The following SLC14A1 variants were observed in gnomAD, a reference collection of about 807,000 sequenced individuals.
SLC14A1 encodes urea transporter 1.
SLC14A1 carries 36 observed loss-of-function variants against 39.6 expected under a neutral mutation model. The ratio of observed to expected loss-of-function variants is 0.91; its 90% CI spans 0.70 to 1.20. The LOEUF is 1.20. Ranked by LOEUF, SLC14A1 falls within the 50% of genes most tolerant of loss-of-function variation. The pLI is 0.00. For missense variants in SLC14A1, 469 were observed against 478.7 expected, an observed-to-expected ratio of 0.98 and a Z score of 0.19; for synonymous variants, 164 against 173.6, an observed-to-expected ratio of 0.94 and a Z score of 0.43.
At position 45,727,391 on chromosome 18, in the gene SLC14A1, G is replaced by T. The variant is rs948637471; in HGVS notation, c.-22+2378G>T. The T allele has an allele frequency of 7.7e-6, 12 of 1,549,788 alleles. 1 individual carries two copies. In the Admixed American group the frequency reaches 9.8e-5, roughly 13 times the overall value. On this transcript the variant is annotated intron_variant, in intron 2 of 9. Transcript: ENST00000321925. ...GCAGAGGCATCGCCCGGCTAAGCTTGGCCCTGGCAGATGGGTCGCAGGAAC... is the reference window on the plus strand; with the variant it reads ...GCAGAGGCATCGCCCGGCTAAGCTTTGCCCTGGCAGATGGGTCGCAGGAAC...
chr18:45,726,364 T>A (rs979721887), intron 2 of SLC14A1, among the ~76,000 whole-genome samples: 1 of 152,252 alleles, frequency 6.6e-6, no homozygotes, highest in African/African-American at 2.4e-5. Context: ...CACACACAAC[T>A]GGAACTTCTG....
intron 4 of SLC14A1, among the ~76,000 whole-genome samples, chr18:45,732,286 CT>C (rs1424304863): frequency 6.6e-6 from 1 of 152,206 alleles, no homozygotes; most frequent in African/African-American, 2.4e-5. Flanking sequence ...AAATATATGT[CT>C]TCCTGTGGCT....
At chr18:45,728,118 T>C (rs4890587) in intron 2 of SLC14A1, among the ~76,000 whole-genome samples, 20,956 of 152,156 alleles carry the variant, frequency 0.14, 1,965 homozygotes, top group East Asian at 0.41. Context: ...GTCTTCTATA[T>C]GTTGGGCTGT....
chr18:45,733,018 A>G (rs2047079245), intron 4 of SLC14A1, among the ~76,000 whole-genome samples: 2 of 152,216 alleles, frequency 1.3e-5, no homozygotes, highest in Non-Finnish European at 2.9e-5. Context: ...ATCAAATACC[A>G]CACGTTTTCA....
intron 6 of SLC14A1, among the ~76,000 whole-genome samples, chr18:45,738,820 C>T (rs1473387200): frequency 1.3e-5 from 2 of 152,056 alleles, no homozygotes; most frequent in Non-Finnish European, 2.9e-5. Context: ...CAGTAGGAGG[C>T]AAGGCAGATC....
intron 8 of SLC14A1, chr18:45,747,207 C>T (rs1472382915): frequency 6.6e-6 from 1 of 152,148 alleles, no homozygotes; most frequent in African/African-American, 2.4e-5. Context: ...ATATGAAGGT[C>T]ATTCTTCAGG....
Position 45,751,342 on chromosome 18 carries a change from C to A in SLC14A1, c.*1391C>A, listed in dbSNP as rs1347303952. Reference sequence around the variant, plus strand: ...GCGACAAGAGTGAAACTGTGTCTCTCAAAAAAAAAAAAAAACAAACAAAAA... The same window carrying A: ...GCGACAAGAGTGAAACTGTGTCTCTAAAAAAAAAAAAAAAACAAACAAAAA... On this transcript the variant is annotated 3_prime_UTR_variant, in exon 10 of 10. Coordinates refer to ENST00000321925, the MANE Select transcript of SLC14A1 (RefSeq NM_015865.7). 1.3e-4 allele frequency: 84 copies of A among 637,542 alleles called. No individual in the cohort carries two copies. In the African/African-American group the frequency reaches 1.7e-3, roughly 13 times the overall value. 39.5% of individuals were successfully genotyped at this position (637,542 alleles called of 1,614,324 possible). A position where few individuals can be genotyped will look rare whatever the true frequency, so the allele number is the denominator to read the frequency against.
Position 45,750,023 on chromosome 18 carries a change from C to T in SLC14A1, c.*72C>T, listed in dbSNP as rs2047668041. On this transcript the variant is annotated 3_prime_UTR_variant, in exon 10 of 10. Transcript: ENST00000321925. ...CTGCTCCAGCTAACTTCCAGGGTCT[C>T]AGCAAACTGCTGTTTTTCACGAGTA... 1 of 1,612,622 alleles carries T rather than the reference C, an allele frequency of 6.2e-7. No individual in the cohort carries two copies. Among genetic ancestry groups the T allele is most frequent in the Admixed American group, 1.7e-5 (1 of 59,982 alleles).
Position 45,734,402 on chromosome 18 carries a change from G to T in SLC14A1, c.470G>T (p.Cys157Phe). The T allele has an allele frequency of 1.2e-6, 2 of 1,611,408 alleles. No homozygotes were observed. Among genetic ancestry groups the T allele is most frequent in the Non-Finnish European group, 1.7e-6 (2 of 1,179,362 alleles). The change falls in exon 5 of 10, where the codon TGC becomes TTC. Residue 157 changes from cysteine (C) to phenylalanine (F), a missense_variant and splice_region_variant. By Grantham distance (205) the Cys-to-Phe change is radical. Coordinates refer to ENST00000321925, the MANE Select transcript of SLC14A1 (RefSeq NM_015865.7). ...CCTGTATGTGCTATGTCCATGACTT[G>T]GTAAGTTACAATTGGTTTTCAAAAT... ...LLPVCAMSMTCPIFSSALNSM... is the reference protein window; with the variant it reads ...LLPVCAMSMTFPIFSSALNSM...
In SLC14A1 at chr18:45,750,536, A is replaced by G. The variant is rs1009163706; in HGVS notation, c.*585A>G. On this transcript the variant is annotated 3_prime_UTR_variant, in exon 10 of 10. Transcript: ENST00000321925. ...GCACCCTATCCCTTGTGTGTGTGAC[A>G]TTCTCTCATGGGACAATGTTGGGGT... 2 of 991,312 alleles carry G rather than the reference A, an allele frequency of 2.0e-6. No homozygotes were observed. The highest frequency in any genetic ancestry group is 1.1e-4 in the Admixed American group (2 of 17,756). The allele number at this position is 991,312 out of a possible 1,614,324, so 61.4% of individuals were successfully genotyped here.
intron 8 of SLC14A1, chr18:45,747,305 G>C (rs192773683): frequency 1.3e-5 from 2 of 152,328 alleles, no homozygotes; most frequent in African/African-American, 4.8e-5. Context: ...AGCTGGTTGA[G>C]ATCTTTGCTT....
At chr18:45,749,521 G>A (rs561585391) in intron 9 of SLC14A1, among the ~76,000 whole-genome samples, 2 of 152,232 alleles carry the variant, frequency 1.3e-5, no homozygotes, top group Non-Finnish European at 2.9e-5. Context: ...GGTGCAGGAA[G>A]TCTGAATATA....
At chr18:45,741,285 T>C (rs1285044358) in intron 8 of SLC14A1, among the ~76,000 whole-genome samples, 1 of 152,196 alleles carries the variant, frequency 6.6e-6, no homozygotes, top group South Asian at 2.1e-4. Context: ...TCAATCAAAG[T>C]ATAAGCATTT....
At chr18:45,748,493 C>T in intron 9 of SLC14A1, 68 bp downstream of exon 9, 1 of 1,519,740 alleles carries the variant, frequency 6.6e-7, no homozygotes, top group South Asian at 1.1e-5. Context: ...GGGAAATGCT[C>T]CTGAAGTCCA....
At chr18:45,743,398 G>A (rs1348357636) in intron 8 of SLC14A1, among the ~76,000 whole-genome samples, 1 of 150,134 alleles carries the variant, frequency 6.7e-6, no homozygotes, top group African/African-American at 2.5e-5. Flanking sequence ...ACCTTCCTTT[G>A]GATAGATTTT....
chr18:45,730,235 C>T (rs2046987909), intron 2 of SLC14A1, 65 bp from the exon 3 acceptor site: 4 of 1,528,236 alleles, frequency 2.6e-6, no homozygotes, highest in East Asian at 2.3e-5. Flanking sequence ...GTAACCAGGC[C>T]CAAAGCTGGC....
chr18:45,731,354 C>G, intron 4 of SLC14A1, 150 bp downstream of exon 4: 1 of 766,484 alleles, frequency 1.3e-6, no homozygotes, highest in Non-Finnish European at 2.2e-6. Context: ...AGTCAGAGGT[C>G]AGGGAATCAG....
chr18:45,727,488 T>C (rs1191522955), intron 2 of SLC14A1: 3 of 1,475,512 alleles, frequency 2.0e-6, no homozygotes, highest in Non-Finnish European at 2.7e-6. Flanking sequence ...GTGTATCTTT[T>C]CCGGGCAGAG....
At chr18:45,742,349 TTTGG>T (rs1157810107) in intron 8 of SLC14A1, among the ~76,000 whole-genome samples, 1,809 of 124,996 alleles carry the variant, frequency 0.014, 50 homozygotes, top group African/African-American at 0.055. Flanking sequence ...TTTTTTGTTT[TTTGG>T]TTTTTTTTTT....
Sources: gnomAD v4.1 joint callset for allele counts (sites outside exome capture counted in the v4.1 genomes callset) on GRCh38, gnomAD v4.1.1 for gene constraint, MANE v1.5 for transcripts, NCBI Gene and HGNC (gene_info 2026-07-23, HGNC 2026-07-21) for gene names.